The following MEI1 variants were observed in gnomAD, a reference collection of about 807,000 sequenced individuals.
MEI1 encodes meiotic double-stranded break formation protein 1.
A neutral mutation model predicts 146.2 loss-of-function variants in MEI1; 103 were observed. The ratio of observed to expected loss-of-function variants is 0.70; its 90% CI spans 0.60 to 0.83. The LOEUF (loss-of-function observed/expected upper bound fraction) is 0.83, where lower values mean the gene tolerates loss of function less well. Among genes scored for constraint, MEI1 ranks in the 40% least tolerant of loss-of-function variants. MEI1 has a pLI of 0.00. For missense variants in MEI1, 1,529 were observed against 1,533.0 expected, an observed-to-expected ratio of 1.00 and a Z score of 0.04; for synonymous variants, 652 against 628.2, an observed-to-expected ratio of 1.04 and a Z score of -0.57.
intron 11 of MEI1, among the ~76,000 whole-genome samples, chr22:41,738,634 TG>T (rs1047553719): frequency 6.6e-6 from 1 of 150,608 alleles, no homozygotes; most frequent in Non-Finnish European, 1.5e-5. Flanking sequence ...TAGCTGGGCG[TG>T]GTGGCACATA....
rs1465588930 is a variant in MEI1 at position 41,700,170 on chromosome 22, G to A, written c.174+458G>A. Among the ~76,000 whole-genome samples the A allele has an allele frequency of 3.3e-5, 5 of 152,218 alleles. 1 individual carries two copies. Among genetic ancestry groups the A allele is most frequent in the Non-Finnish European group, 7.3e-5 (5 of 68,036 alleles). On this transcript the variant is annotated intron_variant, in intron 1 of 30. Transcript: ENST00000401548. The stretch of plus-strand genomic sequence containing the variant: ...CGGCCGCTCCTCATTCCCTTCAGCT[G>A]TCGGGGTGTGAATCGGAGGAGGGGC...
At chr22:41,797,893 T>C (rs1159524294) in intron 30 of MEI1, among the ~76,000 whole-genome samples, 4 of 152,260 alleles carry the variant, frequency 2.6e-5, no homozygotes, top group East Asian at 3.9e-4. Context: ...GAATGTTATA[T>C]TGGTGTCTGT....
intron 6 of MEI1, among the ~76,000 whole-genome samples, chr22:41,719,058 C>T (rs1378857105): frequency 6.7e-6 from 1 of 150,138 alleles, no homozygotes; most frequent in East Asian, 1.9e-4. Context: ...TCTTGGCTCA[C>T]TGCAAGCTCC....
rs1208984117 is a variant in MEI1, at chr22:41,745,987, T to C, written c.1641T>C (p.Leu547=). 1.2e-6 allele frequency: 2 copies of C among 1,611,806 alleles called. No homozygotes were observed. The highest frequency in any genetic ancestry group is 3.4e-5 in the Admixed American group (2 of 59,590). ...EDTLEAFSEF[L]LSACDSLCIP... The stretch of plus-strand genomic sequence containing the variant: ...CCTTGGAGGCCTTCTCAGAATTTCT[T>C]CTCAGTGCCTGTGACTCGCTGTGTA... The change falls in exon 14 of 31, where the codon CTT becomes CTC. Residue 547 remains leucine, a synonymous_variant. Transcript: ENST00000401548.
At chr22:41,773,734 G>T (rs1337334110) in intron 20 of MEI1, among the ~76,000 whole-genome samples, 1 of 152,048 alleles carries the variant, frequency 6.6e-6, no homozygotes, top group Non-Finnish European at 1.5e-5. Context: ...AATTAGCCGG[G>T]CATGGTGGCA....
chr22:41,719,971 A>G (rs6002450), intron 6 of MEI1, among the ~76,000 whole-genome samples: 5 of 152,288 alleles, frequency 3.3e-5, no homozygotes, highest in African/African-American at 1.2e-4. Context: ...CTAGCCATAC[A>G]TAGTGAGCAT....
intron 17 of MEI1, among the ~76,000 whole-genome samples, chr22:41,757,735 G>A (rs1396728361): frequency 1.3e-5 from 2 of 152,080 alleles, no homozygotes; most frequent in African/African-American, 4.8e-5. Flanking sequence ...TCCTGCAATT[G>A]CCTGTCTCAT....
intron 9 of MEI1, among the ~76,000 whole-genome samples, chr22:41,731,901 A>G (rs2071898295): frequency 6.6e-6 from 1 of 152,154 alleles, no homozygotes; most frequent in African/African-American, 2.4e-5. Flanking sequence ...TGAATGGATC[A>G]GGGAAGGCTT....
At chr22:41,799,196 G>GAT in intron 30 of MEI1, 58 bp from the exon 31 acceptor site, 1 of 1,548,446 alleles carries the variant, frequency 6.5e-7, no homozygotes, top group Non-Finnish European at 8.9e-7. Context: ...CTGGAAGTGT[G>GAT]ATGCCCCCAT....
chr22:41,736,226 T>A (rs1318001217), intron 11 of MEI1, among the ~76,000 whole-genome samples: 1 of 150,774 alleles, frequency 6.6e-6, no homozygotes, highest in East Asian at 2.0e-4. Flanking sequence ...TCTCTTTCTT[T>A]TCTTAAATTT....
chr22:41,757,633 A>T (rs564818128), intron 17 of MEI1, among the ~76,000 whole-genome samples: 1 of 152,124 alleles, frequency 6.6e-6, no homozygotes, highest in African/African-American at 2.4e-5. Context: ...CTGGGATTAC[A>T]GCCTGGCCCA....
chr22:41,751,757 C>T (rs1420960793), intron 15 of MEI1, among the ~76,000 whole-genome samples: 39 of 118,952 alleles, frequency 3.3e-4, no homozygotes, highest in African/African-American at 1.2e-3. Flanking sequence ...GGGCAACAAG[C>T]GTGAAACTCC....
rs1375837471 is a variant in MEI1 at position 41,794,277 on chromosome 22, G to A, written c.3428-94G>A. On this transcript the variant is annotated intron_variant, in intron 27 of 30. Transcript: ENST00000401548. Reference sequence around the variant, plus strand: ...TTGTTCAGTGCCCTGTCTCTAACTGGGTAGCCCCTTTTTAAGCCAATAGGA... The same window carrying A: ...TTGTTCAGTGCCCTGTCTCTAACTGAGTAGCCCCTTTTTAAGCCAATAGGA... 6 of 1,056,414 alleles carry A rather than the reference G, an allele frequency of 5.7e-6. No individual in the cohort carries two copies. The African/African-American group carries it at 9.4e-5, about 17-fold the overall frequency. 65.4% of individuals were successfully genotyped at this position (1,056,414 alleles called of 1,614,324 possible). A position where few individuals can be genotyped will look rare whatever the true frequency, so the allele number is the denominator to read the frequency against.
chr22:41,713,662 C>T lies in MEI1; in HGVS notation c.350-340C>T, dbSNP rs373471996. On this transcript the variant is annotated intron_variant, in intron 3 of 30. Coordinates refer to ENST00000401548, the MANE Select transcript of MEI1 (RefSeq NM_152513.4). ...CTGCCGGGTTCAAGCAATTCTCCTGCCTCAACCTCCCGAGTAGCTGGGATT... is the reference window on the plus strand; with the variant it reads ...CTGCCGGGTTCAAGCAATTCTCCTGTCTCAACCTCCCGAGTAGCTGGGATT... Among the ~76,000 whole-genome samples the T allele has an allele frequency of 6.6e-5, 10 of 152,302 alleles. No homozygotes were observed. The East Asian group carries it at 7.7e-4, about 12-fold the overall frequency.
chr22:41,735,359 CG>C (rs1191139804), intron 11 of MEI1, among the ~76,000 whole-genome samples: 5 of 151,570 alleles, frequency 3.3e-5, no homozygotes, highest in Admixed American at 6.6e-5. Flanking sequence ...CACAGCCTCC[CG>C]AGTAGCTGGG....
At position 41,762,549 on chromosome 22, in the gene MEI1, G is replaced by GTTTTTT. The variant is rs554541069; in HGVS notation, c.2121-625_2121-624insTTTTTT. On this transcript the variant is annotated intron_variant, in intron 18 of 30. Coordinates refer to ENST00000401548, the MANE Select transcript of MEI1 (RefSeq NM_152513.4). ...GTCTACACAACCAGCTAATTTAACT[G>GTTTTTT]ATTTTTTTTTTTTTTTTTGTAGAGA... Among the ~76,000 whole-genome samples the GTTTTTT allele has an allele frequency of 7.8e-5, 10 of 128,796 alleles. 2 individuals carry two copies. Among genetic ancestry groups the GTTTTTT allele is most frequent in the Non-Finnish European group, 9.9e-5 (6 of 60,834 alleles). 84.5% of individuals were successfully genotyped at this position (128,796 alleles called of 152,430 possible).
chr22:41,718,086 A>C lies in MEI1; in HGVS notation c.545A>C (p.His182Pro), dbSNP rs747769482. The C allele has an allele frequency of 3.7e-5, 60 of 1,601,662 alleles. 1 individual carries two copies. In the South Asian group the frequency reaches 6.7e-4, roughly 18 times the overall value. The change falls in exon 6 of 31, where the codon CAT becomes CCT. Residue 182 changes from histidine to proline, a missense_variant. Around this residue, in one of 3 missense-constraint regions of MEI1, gnomAD observed 1,212 missense variants for 1,178.9 expected, o/e 1.03. Transcript: ENST00000401548. ...LVMEHGNLME[H>P]LLRGLVYPSE... ...TTCTGGACAGGCAACCTGATGGAGC[A>C]TCTGTTGAGAGGCTTAGTATACCCC...
At chr22:41,702,759 T>G (rs5758426) in intron 1 of MEI1, among the ~76,000 whole-genome samples, 97,881 of 151,602 alleles carry the variant, frequency 0.65, 34,865 homozygotes, top group East Asian at 0.92. Context: ...AACACACTTT[T>G]CTTTTCTTTT....
rs57256126 is a variant in MEI1 at position 41,734,129 on chromosome 22, AAAAAT to A, written c.1331+1550_1331+1554del. Among the ~76,000 whole-genome samples the A allele has an allele frequency of 9.3e-4, 140 of 150,918 alleles. 2 individuals carry two copies. The highest frequency in any genetic ancestry group is 2.8e-3 in the African/African-American group (114 of 40,352). ...GGTAACAGAGTGAAATTCTGTCTCA[AAAAAT>A]AAAATAAAATAAAATAAAATAAATA... On this transcript the variant is annotated intron_variant, in intron 11 of 30. Coordinates refer to ENST00000401548, the MANE Select transcript of MEI1 (RefSeq NM_152513.4).
Sources: allele counts gnomAD v4.1 joint callset (sites outside exome capture counted in the v4.1 genomes callset), GRCh38; gene constraint gnomAD v4.1.1; regional missense constraint gnomAD v4.1.1; transcripts MANE v1.5; gene names NCBI Gene and HGNC (gene_info 2026-07-23, HGNC 2026-07-21).